Variants in CBFA2T3 observed in about 807,000 individuals in gnomAD.
CBFA2T3 encodes the protein CBFA2/RUNX1 partner transcriptional co-repressor 3, also known as transcriptional corepressor CBFA2T3.
A neutral mutation model predicts 58.6 loss-of-function variants in CBFA2T3; 31 were observed. The observed-to-expected ratio is 0.53, with a 90% CI of 0.40 to 0.71. CBFA2T3 has a LOEUF of 0.71. CBFA2T3 is among the 30% of genes least tolerant of loss of function. The probability of loss-of-function intolerance (pLI) is 0.00; values close to 1 mark genes in which losing one functional copy is unlikely to be tolerated. For synonymous variants in CBFA2T3, 531 were observed against 421.9 expected (o/e 1.26, Z -3.17); for missense variants, 1,076 against 963.1 (o/e 1.12, Z -1.55).
chr16:88,960,104 T>C (rs950081358), intron 1 of CBFA2T3, among the ~76,000 whole-genome samples: 1 of 152,192 alleles, frequency 6.6e-6, no homozygotes, highest in African/African-American at 2.4e-5. Flanking sequence ...TTCCCTCAGA[T>C]GATTTTCAGT....
chr16:88,901,461 C>G, intron 2 of CBFA2T3, 43 bp downstream of exon 2: 1 of 1,154,830 alleles, frequency 8.7e-7, no homozygotes, highest in South Asian at 1.7e-5. Flanking sequence ...AAGGGCCTCC[C>G]CTGAAACACC....
At chr16:88,896,775 C>A (rs768389232) in intron 3 of CBFA2T3, among the ~76,000 whole-genome samples, 10 of 152,172 alleles carry the variant, frequency 6.6e-5, no homozygotes, top group Non-Finnish European at 1.3e-4. Flanking sequence ...ACGCCGGGGC[C>A]CCTGCCCACC....
At chr16:88,914,061 C>T (rs1001551221) in intron 1 of CBFA2T3, among the ~76,000 whole-genome samples, 2 of 152,188 alleles carry the variant, frequency 1.3e-5, no homozygotes, top group Non-Finnish European at 2.9e-5. Flanking sequence ...CACGGCCATA[C>T]AATGGAATAC....
intron 1 of CBFA2T3, among the ~76,000 whole-genome samples, chr16:88,928,814 C>T (rs560002951): frequency 6.6e-6 from 1 of 152,322 alleles, no homozygotes; most frequent in South Asian, 2.1e-4. Flanking sequence ...TGGATGGCCA[C>T]TGAAAAGGTG....
intron 9 of CBFA2T3, chr16:88,881,042 G>A (rs753015319): frequency 1.1e-5 from 8 of 702,552 alleles, no homozygotes; most frequent in Admixed American, 2.0e-5. Context: ...GTCAGCATTC[G>A]TCGCTGAGGC....
At chr16:88,963,777 C>T (rs548832807) in intron 1 of CBFA2T3, among the ~76,000 whole-genome samples, 57 of 152,336 alleles carry the variant, frequency 3.7e-4, no homozygotes, top group African/African-American at 1.0e-3. Flanking sequence ...CACAGCGGCC[C>T]GAGGAGAGCC....
At chr16:88,914,854 C>T (rs1256337029) in intron 1 of CBFA2T3, among the ~76,000 whole-genome samples, 2 of 152,196 alleles carry the variant, frequency 1.3e-5, no homozygotes, top group Admixed American at 6.5e-5. Flanking sequence ...CTGCTTGCCC[C>T]GTGGCCGCAC....
intron 1 of CBFA2T3, chr16:88,938,681 T>C (rs994142799): frequency 6.6e-6 from 1 of 152,182 alleles, no homozygotes; most frequent in South Asian, 2.1e-4. Flanking sequence ...AAGGCCCTGC[T>C]AGTCCCTCCA....
intron 1 of CBFA2T3, among the ~76,000 whole-genome samples, chr16:88,916,673 G>A (rs1030716737): frequency 3.0e-4 from 45 of 152,110 alleles, no homozygotes; most frequent in Admixed American, 2.9e-3. Flanking sequence ...GGGATGGGGG[G>A]CTCCTTTGCC....
At chr16:88,917,318 T>A (rs116197401) in intron 1 of CBFA2T3, among the ~76,000 whole-genome samples, 370 of 152,104 alleles carry the variant, frequency 2.4e-3, no homozygotes, top group African/African-American at 8.1e-3. Context: ...GCTGCGGAAC[T>A]GGCACCGTGG....
intron 1 of CBFA2T3, among the ~76,000 whole-genome samples, chr16:88,925,167 G>A (rs979045034): frequency 3.3e-5 from 5 of 152,268 alleles, no homozygotes; most frequent in Non-Finnish European, 7.3e-5. Context: ...GCAGTGGGCA[G>A]AGGGCCGGGT....
At chr16:88,881,995 T>C (rs1422557734) in intron 8 of CBFA2T3, among the ~76,000 whole-genome samples, 1 of 152,192 alleles carries the variant, frequency 6.6e-6, no homozygotes, top group Non-Finnish European at 1.5e-5. Flanking sequence ...CCACACTTCT[T>C]GCAAGACTCA....
intron 3 of CBFA2T3, among the ~76,000 whole-genome samples, chr16:88,894,052 T>A (rs564526844): frequency 6.6e-4 from 101 of 152,254 alleles, no homozygotes; most frequent in African/African-American, 2.4e-3. Flanking sequence ...TCCCGCCTCC[T>A]GCAGAAGGAC....
Position 88,963,358 on chromosome 16 carries a change from T to C in CBFA2T3, c.151+13299A>G, listed in dbSNP as rs539682805. 9.0e-3 allele frequency among the ~76,000 whole-genome samples: 1,305 copies of C among 144,896 alleles called. 22 individuals are homozygous for C. Among genetic ancestry groups the C allele is most frequent in the African/African-American group, 0.032 (1,222 of 38,628 alleles). On this transcript the variant is annotated intron_variant, in intron 1 of 11. Transcript: ENST00000268679. ...CCAGGCTTTTTTTTTTTTTTAAGAATGTTAAGATCTTTTAAAAATTTGTGA... is the reference window on the plus strand; with the variant it reads ...CCAGGCTTTTTTTTTTTTTTAAGAACGTTAAGATCTTTTAAAAATTTGTGA...
At chr16:88,974,260 A>T (rs1972733032) in intron 1 of CBFA2T3, among the ~76,000 whole-genome samples, 1 of 152,170 alleles carries the variant, frequency 6.6e-6, no homozygotes, top group South Asian at 2.1e-4. Context: ...CTCCGAGCAC[A>T]CACAGCGGGC....
chr16:88,930,117 C>G (rs1471435990), intron 1 of CBFA2T3, among the ~76,000 whole-genome samples: 1 of 146,594 alleles, frequency 6.8e-6, no homozygotes, highest in Non-Finnish European at 1.5e-5. Context: ...TACCAATACC[C>G]AGAGCTGCAT....
intron 1 of CBFA2T3, among the ~76,000 whole-genome samples, chr16:88,930,407 CA>C (rs1567615735): frequency 1.3e-5 from 2 of 152,166 alleles, no homozygotes; most frequent in Non-Finnish European, 2.9e-5. Context: ...CCCATGCCCA[CA>C]GCTGCATGGT....
chr16:88,943,346 G>C (rs888542844), intron 1 of CBFA2T3, among the ~76,000 whole-genome samples: 1 of 152,216 alleles, frequency 6.6e-6, no homozygotes, highest in African/African-American at 2.4e-5. Flanking sequence ...CGCAGGCTTC[G>C]GGTGTTAAGT....
Position 88,976,835 on chromosome 16 carries a change from T to A in CBFA2T3, c.-28A>T. The A allele has an allele frequency of 6.5e-7, 1 of 1,539,958 alleles. No individual in the cohort carries two copies. Among genetic ancestry groups the A allele is most frequent in the Non-Finnish European group, 8.8e-7 (1 of 1,138,062 alleles). On this transcript the variant is annotated 5_prime_UTR_variant, in exon 1 of 12. Transcript: ENST00000268679. The stretch of plus-strand genomic sequence containing the variant: ...GGAGGGCCACCCTCAGGGGCCAACC[T>A]GGAGCCCAGGACAGGCCTCTACCAG...
Sources: allele counts gnomAD v4.1 joint callset (sites outside exome capture counted in the v4.1 genomes callset), GRCh38; gene constraint gnomAD v4.1.1; transcripts MANE v1.5; gene names NCBI Gene and HGNC (gene_info 2026-07-23, HGNC 2026-07-21).